The following PCDH9 variants were observed in gnomAD, a reference collection of about 807,000 sequenced individuals.
The protein encoded by PCDH9 is protocadherin 9, also known as protocadherin-9.
In PCDH9, 24 loss-of-function variants were observed where a neutral mutation model predicts 70.6. The observed-to-expected ratio is 0.34, with a 90% CI of 0.25 to 0.48. The LOEUF is 0.48. Among genes scored for constraint, PCDH9 ranks in the 20% least tolerant of loss-of-function variants. The pLI is 0.99. For missense variants in PCDH9, 1,281 were observed against 1,503.6 expected, an observed-to-expected ratio of 0.85 and a Z score of 2.45; for synonymous variants, 562 against 558.5, an observed-to-expected ratio of 1.01 and a Z score of -0.09.
At chr13:66,326,401 A>G (rs1302112371) in intron 4 of PCDH9, among the ~76,000 whole-genome samples, 3 of 151,234 alleles carry the variant, frequency 2.0e-5, no homozygotes, top group African/African-American at 7.3e-5. Flanking sequence ...TTCTTCTAAA[A>G]AAAAAAAAAA....
chr13:67,057,052 G>T (rs2085435041), intron 2 of PCDH9, among the ~76,000 whole-genome samples: 1 of 152,012 alleles, frequency 6.6e-6, no homozygotes, highest in Non-Finnish European at 1.5e-5. Context: ...TTATAACTAT[G>T]ATTTGAGTAT....
At chr13:66,973,133 T>C (rs2083553639) in intron 2 of PCDH9, among the ~76,000 whole-genome samples, 1 of 151,972 alleles carries the variant, frequency 6.6e-6, no homozygotes, top group Non-Finnish European at 1.5e-5. Flanking sequence ...AATTGTAGTA[T>C]CACTGGGAGA....
chr13:66,610,606 T>C (rs1445366784), intron 4 of PCDH9, among the ~76,000 whole-genome samples: 1 of 152,206 alleles, frequency 6.6e-6, no homozygotes, highest in Non-Finnish European at 1.5e-5. Context: ...CTGAACTTCT[T>C]ATTTTAAATC....
intron 4 of PCDH9, among the ~76,000 whole-genome samples, chr13:66,309,701 T>G (rs892427655): frequency 4.0e-5 from 6 of 151,844 alleles, no homozygotes; most frequent in African/African-American, 1.4e-4. Flanking sequence ...ATAATATTTG[T>G]TTTTCATTCA....
chr13:66,892,735 T>C (rs79518753), intron 3 of PCDH9, among the ~76,000 whole-genome samples: 4,824 of 152,202 alleles, frequency 0.032, 122 homozygotes, highest in Middle Eastern at 0.099. Flanking sequence ...TTTGAATGAA[T>C]ATTCATTTGA....
intron 2 of PCDH9, among the ~76,000 whole-genome samples, chr13:66,977,147 T>C (rs924580674): frequency 1.3e-5 from 2 of 152,172 alleles, no homozygotes; most frequent in African/African-American, 4.8e-5. Flanking sequence ...TGATAATTAA[T>C]AAATAATATT....
chr13:66,347,773 T>C (rs1956234364), intron 4 of PCDH9, among the ~76,000 whole-genome samples: 1 of 152,184 alleles, frequency 6.6e-6, no homozygotes, highest in East Asian at 1.9e-4. Flanking sequence ...TGGCTAATTG[T>C]CCAGGTGGAA....
At chr13:67,074,878 ATTAGT>A (rs1224913190) in intron 2 of PCDH9, among the ~76,000 whole-genome samples, 1 of 152,120 alleles carries the variant, frequency 6.6e-6, no homozygotes, top group African/African-American at 2.4e-5. Context: ...CTCAATATAT[ATTAGT>A]TTATTCTTAC....
At chr13:67,097,038 A>C (rs1289741782) in intron 2 of PCDH9, among the ~76,000 whole-genome samples, 1 of 151,692 alleles carries the variant, frequency 6.6e-6, no homozygotes, top group Non-Finnish European at 1.5e-5. Flanking sequence ...ACTTGAGCCC[A>C]GGAGTTTGAG....
chr13:66,477,451 T>C (rs1048748591), intron 4 of PCDH9, among the ~76,000 whole-genome samples: 2 of 152,172 alleles, frequency 1.3e-5, no homozygotes, highest in Admixed American at 1.3e-4. Flanking sequence ...CTAAATTATA[T>C]GATATTTGAG....
intron 3 of PCDH9, among the ~76,000 whole-genome samples, chr13:66,683,275 A>G (rs1593888408): frequency 6.6e-6 from 1 of 152,104 alleles, no homozygotes. Flanking sequence ...TATACTGTCA[A>G]TTTACATGGT....
chr13:66,934,783 C>T (rs1368359869), intron 2 of PCDH9, among the ~76,000 whole-genome samples: 21 of 112,568 alleles, frequency 1.9e-4, no homozygotes, highest in African/African-American at 4.1e-4. Flanking sequence ...TGCAGTGGCG[C>T]GATCTCGGCT....
intron 2 of PCDH9, among the ~76,000 whole-genome samples, chr13:66,951,861 T>A (rs908102196): frequency 6.6e-6 from 1 of 152,166 alleles, no homozygotes; most frequent in Admixed American, 6.5e-5. Context: ...TCTAAGTGCC[T>A]GCGGGGATCT....
intron 4 of PCDH9, among the ~76,000 whole-genome samples, chr13:66,485,828 G>A (rs897026417): frequency 3.3e-5 from 5 of 151,302 alleles, no homozygotes; most frequent in Admixed American, 6.6e-5. Flanking sequence ...TGCAACCTCC[G>A]CCTCCTGGGT....
At chr13:66,712,736 G>T (rs1348153108) in intron 3 of PCDH9, among the ~76,000 whole-genome samples, 1 of 151,974 alleles carries the variant, frequency 6.6e-6, no homozygotes, top group African/African-American at 2.4e-5. Flanking sequence ...AACTATTGAT[G>T]TTGCACACAC....
At chr13:66,943,480 A>G (rs73505310) in intron 2 of PCDH9, among the ~76,000 whole-genome samples, 167 of 152,216 alleles carry the variant, frequency 1.1e-3, no homozygotes, top group African/African-American at 3.9e-3. Context: ...TAATTTTTCT[A>G]GTGGTAATTC....
At chr13:66,401,083 A>C (rs962195852) in intron 4 of PCDH9, among the ~76,000 whole-genome samples, 3 of 152,216 alleles carry the variant, frequency 2.0e-5, no homozygotes, top group Non-Finnish European at 4.4e-5. Context: ...TGGTATGATT[A>C]TGTGGTATGC....
In PCDH9 at chr13:66,498,072, G is replaced by A. The variant is rs1030142344; in HGVS notation, c.3340+133138C>T. Among the ~76,000 whole-genome samples, 8 of 151,738 alleles carry A rather than the reference G, an allele frequency of 5.3e-5. No individual in the cohort carries two copies. In the East Asian group the frequency reaches 1.4e-3, roughly 26 times the overall value. On this transcript the variant is annotated intron_variant, in intron 4 of 4. Transcript: ENST00000377865. ...TGACCTCAAGTGATCCTCCCGCCTC[G>A]GCTTCCCAATGTGATGGGATTACAG...
At chr13:66,918,565 T>G (rs1328027811) in intron 2 of PCDH9, among the ~76,000 whole-genome samples, 1 of 151,252 alleles carries the variant, frequency 6.6e-6, no homozygotes, top group Non-Finnish European at 1.5e-5. Context: ...TGTATCTTAA[T>G]TTACCATTTT....
Sources: gnomAD v4.1 joint callset for allele counts (sites outside exome capture counted in the v4.1 genomes callset) on GRCh38, gnomAD v4.1.1 for gene constraint, MANE v1.5 for transcripts, NCBI Gene and HGNC (gene_info 2026-07-23, HGNC 2026-07-21) for gene names.